KLHL12: variants seen among roughly 807,000 people sequenced by gnomAD.
KLHL12 encodes the protein kelch-like protein 12.
KLHL12 carries 17 observed loss-of-function variants against 60.8 expected under a neutral mutation model. That is an observed-to-expected ratio of 0.28 (90% confidence interval 0.19 to 0.42). The LOEUF (loss-of-function observed/expected upper bound fraction) is 0.42. Among genes scored for constraint, KLHL12 ranks in the 10% least tolerant of loss-of-function variants. The pLI is 1.00. For synonymous variants in KLHL12, 220 were observed against 250.9 expected (o/e 0.88, Z 1.16); for missense variants, 468 against 722.3 (o/e 0.65, Z 4.04).
upstream of KLHL12, chr1:202,927,391 A>C (rs1653639948): frequency 1.9e-6 from 1 of 522,172 alleles, no homozygotes; most frequent in Admixed American, 6.4e-5. Flanking sequence ...AATTACAAAA[A>C]GGTCGGGTGG....
chr1:202,922,522 T>C (rs1246886521), intron 2 of KLHL12, among the ~76,000 whole-genome samples: 1 of 151,278 alleles, frequency 6.6e-6, no homozygotes, highest in Non-Finnish European at 1.5e-5. Flanking sequence ...AGTCTCGCTC[T>C]GTCACCCAGG....
chr1:202,907,314 A>C (rs1660224572), intron 6 of KLHL12, among the ~76,000 whole-genome samples: 1 of 152,152 alleles, frequency 6.6e-6, no homozygotes, highest in African/African-American at 2.4e-5. Context: ...AAAATATAGG[A>C]GAGGGAGCCA....
intron 6 of KLHL12, among the ~76,000 whole-genome samples, 197 bp downstream of exon 6, chr1:202,908,813 G>A (rs1571528798): frequency 6.6e-6 from 1 of 152,152 alleles, no homozygotes; most frequent in African/African-American, 2.4e-5. Context: ...AAATAATTAT[G>A]TGAAGTAGAT....
chr1:202,917,838 ATAG>A (rs1302234145), intron 4 of KLHL12, among the ~76,000 whole-genome samples: 1 of 152,246 alleles, frequency 6.6e-6, no homozygotes, highest in Non-Finnish European at 1.5e-5. Flanking sequence ...TAAGTGCTAC[ATAG>A]TAGATATTCT....
At chr1:202,903,237 A>G (rs1472478291) in intron 6 of KLHL12, among the ~76,000 whole-genome samples, 1 of 149,652 alleles carries the variant, frequency 6.7e-6, no homozygotes, top group Non-Finnish European at 1.5e-5. Flanking sequence ...TTACACTCCC[A>G]CCAACACTAT....
rs757492661 is a variant in KLHL12, at chr1:202,893,343, T to C, written c.1476A>G (p.Ala492=). The stretch of plus-strand genomic sequence containing the variant: ...TCCAGGAATCAGTGCGAATGTTGTA[T>C]GCTTCAACGGAAGAAAGGTGGGCTG... ...DGTAHLSSVE[A]YNIRTDSWTT... is the part of the protein sequence containing the mutation. Residue 492 remains alanine, a synonymous_variant, in exon 11 of 12, where the codon GCA becomes GCG. Transcript: ENST00000367261. The surrounding 1 kb of genome is among the most constrained non-coding windows in gnomAD (Gnocchi z 4.1). The C allele has an allele frequency of 6.2e-7, 1 of 1,614,036 alleles. No homozygotes were observed. The highest frequency in any genetic ancestry group is 8.5e-7 in the Non-Finnish European group (1 of 1,179,934).
chr1:202,917,943 G>A (rs1660572007), intron 4 of KLHL12, among the ~76,000 whole-genome samples: 1 of 152,154 alleles, frequency 6.6e-6, no homozygotes, highest in African/African-American at 2.4e-5. Flanking sequence ...TCTATACTCT[G>A]TTGAATAGTG....
intron 4 of KLHL12, chr1:202,912,166 G>A: frequency 1.1e-6 from 1 of 887,118 alleles, no homozygotes; most frequent in Non-Finnish European, 1.9e-6. Flanking sequence ...AGACACTGAA[G>A]AACATCACCT....
intron 6 of KLHL12, among the ~76,000 whole-genome samples, chr1:202,905,284 G>A (rs1010132447): frequency 1.3e-5 from 2 of 152,172 alleles, no homozygotes; most frequent in African/African-American, 4.8e-5. Context: ...AATCTTCTGG[G>A]TTTACTGATT....
At position 202,900,903 on chromosome 1, in the gene KLHL12, G is replaced by A. The variant is rs1045088398; in HGVS notation, c.833-3943C>T. Among the ~76,000 whole-genome samples the A allele has an allele frequency of 3.6e-4, 25 of 69,360 alleles. No individual in the cohort carries two copies. The Admixed American group carries it at 3.7e-3, about 10-fold the overall frequency. 45.5% of individuals were successfully genotyped at this position (69,360 alleles called of 152,430 possible). ...CAAATACAAACACAAAAATTAGCCAGGTGTGGTGGTGTGCATTTTGTAGTC... is the reference window on the plus strand; with the variant it reads ...CAAATACAAACACAAAAATTAGCCAAGTGTGGTGGTGTGCATTTTGTAGTC... On this transcript the variant is annotated intron_variant, in intron 6 of 11. Transcript: ENST00000367261.
chr1:202,906,665 AATTT>A (rs1389023088), intron 6 of KLHL12, among the ~76,000 whole-genome samples: 1 of 151,886 alleles, frequency 6.6e-6, no homozygotes, highest in Non-Finnish European at 1.5e-5. Flanking sequence ...TTATTTAATT[AATTT>A]ATTTATTTTT....
Position 202,895,453 on chromosome 1 carries a change from C to T in KLHL12, c.1135+69G>A, listed in dbSNP as rs139229189. The T allele has an allele frequency of 4.0e-3, 5,341 of 1,334,704 alleles. 11 individuals carry two copies. The highest frequency in any genetic ancestry group is 6.4e-3 in the Middle Eastern group (25 of 3,910). 82.7% of individuals were successfully genotyped at this position (1,334,704 alleles called of 1,614,324 possible). On this transcript the variant is annotated intron_variant, in intron 8 of 11. Coordinates refer to ENST00000367261, the MANE Select transcript of KLHL12 (RefSeq NM_021633.4). This position sits in a 1 kb window ranked among gnomAD's most constrained non-coding sequence, Gnocchi z 4.2. ...CGTATTTCATGCTCCTGCCAGACAA[C>T]AGGAGAGGTTAAAAACCCTGGTCCA...
upstream of KLHL12, among the ~76,000 whole-genome samples, chr1:202,928,322 G>C (rs1170551459): frequency 2.6e-5 from 4 of 151,904 alleles, no homozygotes; most frequent in East Asian, 1.9e-4. Context: ...CAAAAAAAAG[G>C]CTGGATGTTG....
chr1:202,904,232 G>T (rs532500718), intron 6 of KLHL12, among the ~76,000 whole-genome samples: 2 of 151,824 alleles, frequency 1.3e-5, no homozygotes, highest in South Asian at 4.2e-4. Flanking sequence ...TCAAACTCCC[G>T]ATCTCAGGTG....
chr1:202,912,319 C>T (rs1395484024), intron 4 of KLHL12: 1 of 801,388 alleles, frequency 1.2e-6, no homozygotes, highest in Non-Finnish European at 2.2e-6. Flanking sequence ...AAATACCATC[C>T]TACGAATGGC....
intron 6 of KLHL12, among the ~76,000 whole-genome samples, chr1:202,902,152 C>A (rs570166241): frequency 6.6e-6 from 1 of 152,220 alleles, no homozygotes; most frequent in Admixed American, 6.5e-5. Flanking sequence ...CAAATGGGGG[C>A]CGGGCACAGT....
chr1:202,897,444 G>C (rs571749639), intron 6 of KLHL12, among the ~76,000 whole-genome samples: 1 of 151,608 alleles, frequency 6.6e-6, no homozygotes, highest in African/African-American at 2.4e-5. Flanking sequence ...GGCTGGTCCC[G>C]AACTCCCAAC....
intron 6 of KLHL12, among the ~76,000 whole-genome samples, chr1:202,903,159 CAAAAAAAAAAAAA>C (rs67432749): frequency 1.9e-5 from 1 of 52,022 alleles, no homozygotes; most frequent in Non-Finnish European, 3.6e-5. Flanking sequence ...GACCTTGTCT[CAAAAAAAAAAAAA>C]AAAAAAAAAA....
chr1:202,917,366 C>G (rs1434040040), intron 4 of KLHL12, among the ~76,000 whole-genome samples: 2 of 152,184 alleles, frequency 1.3e-5, no homozygotes, highest in African/African-American at 4.8e-5. Flanking sequence ...AGGTGCTCAC[C>G]ACCATGCCAG....
Sources: gnomAD v4.1 joint callset for allele counts (sites outside exome capture counted in the v4.1 genomes callset) on GRCh38, gnomAD v4.1.1 for gene constraint, Gnocchi (gnomAD v3.1) non-coding constraint, MANE v1.5 for transcripts, NCBI Gene and HGNC (gene_info 2026-07-23, HGNC 2026-07-21) for gene names.